The following PDE10A variants were observed in gnomAD, a reference collection of about 807,000 sequenced individuals.
PDE10A encodes phosphodiesterase 10A.
PDE10A carries 39 observed loss-of-function variants against 97.7 expected under a neutral mutation model. The observed-to-expected ratio is 0.40, with a 90% CI of 0.31 to 0.52. The LOEUF is 0.52. Ranked by LOEUF, PDE10A falls within the 20% of genes least tolerant of loss-of-function variation. The probability of loss-of-function intolerance (pLI) is 0.56; values close to 1 mark genes in which losing one functional copy is unlikely to be tolerated. For missense variants in PDE10A, 731 were observed against 1,047.8 expected (o/e 0.70, Z 4.17); for synonymous variants, 371 against 376.8 (o/e 0.98, Z 0.18).
chr6:165,465,384 G>C (rs996668437), intron 3 of PDE10A, among the ~76,000 whole-genome samples: 1 of 152,162 alleles, frequency 6.6e-6, no homozygotes, highest in East Asian at 1.9e-4. Context: ...TTCACCCTGA[G>C]TCTATCCTAG....
intron 2 of PDE10A, among the ~76,000 whole-genome samples, chr6:165,540,670 C>A (rs1783380371): frequency 6.6e-6 from 1 of 152,184 alleles, no homozygotes; most frequent in Non-Finnish European, 1.5e-5. Context: ...TGCTCTGCTG[C>A]CCAGGCTGGA....
intron 1 of PDE10A, among the ~76,000 whole-genome samples, chr6:165,618,981 AGTG>A (rs1296386811): frequency 0.11 from 13,372 of 124,704 alleles, 1,964 homozygotes; most frequent in African/African-American, 0.35. Context: ...AGTGTAGTCT[AGTG>A]TAGTGTAGTC....
chr6:165,695,114 T>C (rs2128442575), intron 1 of PDE10A, among the ~76,000 whole-genome samples: 1 of 151,156 alleles, frequency 6.6e-6, no homozygotes, highest in South Asian at 2.1e-4. Context: ...ACAATATGCA[T>C]AATATTAACA....
intron 1 of PDE10A, among the ~76,000 whole-genome samples, chr6:165,549,428 G>T (rs995539530): frequency 6.6e-6 from 1 of 152,094 alleles, no homozygotes; most frequent in East Asian, 1.9e-4. Flanking sequence ...GGGTTTAAGG[G>T]AGTCTCCTGC....
At chr6:165,869,702 C>T (rs1781148061) in intron 1 of PDE10A, among the ~76,000 whole-genome samples, 1 of 152,104 alleles carries the variant, frequency 6.6e-6, no homozygotes, top group African/African-American at 2.4e-5. Flanking sequence ...AAATACACTA[C>T]AAAGCTACAG....
At chr6:165,510,747 A>G (rs1368748649) in intron 2 of PDE10A, among the ~76,000 whole-genome samples, 2 of 151,920 alleles carry the variant, frequency 1.3e-5, no homozygotes, top group Non-Finnish European at 2.9e-5. Context: ...TCCTGATTCA[A>G]TCTTGGTAGA....
intron 1 of PDE10A, among the ~76,000 whole-genome samples, chr6:165,619,344 CTAGTG>C (rs1787930713): frequency 4.9e-5 from 6 of 121,852 alleles, no homozygotes; most frequent in South Asian, 2.6e-4. Flanking sequence ...GTAGTGTAGT[CTAGTG>C]TAGTGTAGTC....
intron 10 of PDE10A, among the ~76,000 whole-genome samples, chr6:165,426,328 C>G (rs1444196646): frequency 6.6e-6 from 1 of 152,106 alleles, no homozygotes; most frequent in Non-Finnish European, 1.5e-5. Context: ...ACTGGCATTA[C>G]CACAGACATA....
intron 1 of PDE10A, among the ~76,000 whole-genome samples, chr6:165,943,233 A>AGG (rs1313083875): frequency 0.015 from 820 of 55,290 alleles, 7 homozygotes; most frequent in Middle Eastern, 0.031. Flanking sequence ...GAAAGAAAGA[A>AGG]AGAAGGAAGG....
intron 13 of PDE10A, among the ~76,000 whole-genome samples, chr6:165,412,784 AATGT>A (rs753594969): frequency 1.3e-5 from 2 of 152,172 alleles, no homozygotes; most frequent in African/African-American, 2.4e-5. Context: ...GGGGCAACTG[AATGT>A]ATGTTGATTT....
Position 165,655,383 on chromosome 6 carries a change from C to T in PDE10A, c.865+6564G>A, listed in dbSNP as rs1052951147. On this transcript the variant is annotated intron_variant, in intron 1 of 21. Transcript: ENST00000539869. This position sits in a 1 kb window ranked among gnomAD's most constrained non-coding sequence, Gnocchi z 4.5. ...CCTGATTCCTTGCGCACCCCACGTG[C>T]TCCTCCTCCAGGCTTCCCATCCCAA... Among the ~76,000 whole-genome samples, 2 of 152,118 alleles carry T rather than the reference C, an allele frequency of 1.3e-5. No individual in the cohort carries two copies. Among genetic ancestry groups the T allele is most frequent in the African/African-American group, 4.8e-5 (2 of 41,424 alleles).
chr6:165,825,388 G>T (rs540782543), intron 1 of PDE10A, among the ~76,000 whole-genome samples: 1 of 152,070 alleles, frequency 6.6e-6, no homozygotes, highest in Non-Finnish European at 1.5e-5. Flanking sequence ...TGAGGGCCCC[G>T]TTAAGTCATC....
intron 18 of PDE10A, among the ~76,000 whole-genome samples, chr6:165,344,704 G>T (rs754885442): frequency 2.0e-5 from 3 of 152,124 alleles, no homozygotes; most frequent in Non-Finnish European, 2.9e-5. Flanking sequence ...TGATACCATC[G>T]ATCACAGAGT....
intron 19 of PDE10A, among the ~76,000 whole-genome samples, chr6:165,339,888 A>G (rs1781876969): frequency 6.6e-6 from 1 of 152,266 alleles, no homozygotes; most frequent in East Asian, 1.9e-4. Flanking sequence ...TATGTTAGTT[A>G]CTGAAGGTTC....
At chr6:165,839,641 C>T (rs867838315) in intron 1 of PDE10A, among the ~76,000 whole-genome samples, 28 of 152,158 alleles carry the variant, frequency 1.8e-4, no homozygotes, top group Middle Eastern at 3.4e-3. Context: ...TAAATTGCTC[C>T]ATCCTCATCA....
chr6:165,941,380 C>T (rs1783512527), intron 1 of PDE10A, among the ~76,000 whole-genome samples: 1 of 152,190 alleles, frequency 6.6e-6, no homozygotes, highest in Non-Finnish European at 1.5e-5. Flanking sequence ...AGACTCCCTC[C>T]ATGAGCTCTC....
At chr6:165,465,306 G>C (rs1031844708) in intron 3 of PDE10A, among the ~76,000 whole-genome samples, 1 of 152,172 alleles carries the variant, frequency 6.6e-6, no homozygotes, top group Non-Finnish European at 1.5e-5. Context: ...GGAGGCCACT[G>C]ATTCTTTGCA....
chr6:165,458,480 T>A (rs888632293), intron 3 of PDE10A, among the ~76,000 whole-genome samples: 13 of 152,310 alleles, frequency 8.5e-5, no homozygotes, highest in Middle Eastern at 3.4e-3. Context: ...ATCACCTTGA[T>A]CTTGAACTTC....
intron 3 of PDE10A, among the ~76,000 whole-genome samples, chr6:165,457,569 T>C (rs1778033409): frequency 6.6e-6 from 1 of 152,136 alleles, no homozygotes; most frequent in Non-Finnish European, 1.5e-5. Flanking sequence ...TATGTATATA[T>C]ATAACATACG....
Sources: gnomAD v4.1 joint callset for allele counts (sites outside exome capture counted in the v4.1 genomes callset) on GRCh38, gnomAD v4.1.1 for gene constraint, Gnocchi (gnomAD v3.1) non-coding constraint, MANE v1.5 for transcripts, NCBI Gene and HGNC (gene_info 2026-07-23, HGNC 2026-07-21) for gene names.